Variants in AKAP17A observed in about 807,000 individuals in gnomAD.
AKAP17A encodes the protein A-kinase anchoring protein 17A, also known as A-kinase anchor protein 17A.
A neutral mutation model predicts 52.2 loss-of-function variants in AKAP17A; 15 were observed. The ratio of observed to expected loss-of-function variants is 0.29; its 90% CI spans 0.19 to 0.44. The LOEUF (loss-of-function observed/expected upper bound fraction) is 0.44. Among genes scored for constraint, AKAP17A ranks in the 20% least tolerant of loss-of-function variants. The pLI is 1.00. For missense variants in AKAP17A, 1,060 were observed against 1,007.0 expected (o/e 1.05, Z -0.71); for synonymous variants, 514 against 424.7 (o/e 1.21, Z -2.58).
intron 4 of AKAP17A, 106 bp from the exon 5 acceptor site, chrX:1,600,553 C>T (rs1182084854): frequency 9.4e-6 from 11 of 1,166,758 alleles, no homozygotes; most frequent in Middle Eastern, 3.0e-4. Flanking sequence ...GCCGCTGATC[C>T]TGCATCCCCA....
Position 1,593,780 on chromosome X carries a change from C to T in AKAP17A, c.318C>T (p.Phe106=), listed in dbSNP as rs878945509. Residue 106 remains phenylalanine, a synonymous_variant, in exon 2 of 5, where the codon TTC becomes TTT. Coordinates refer to ENST00000313871, the MANE Select transcript of AKAP17A (RefSeq NM_005088.3). ...LDGKTIKLSG[F]SDILKVRAAE... ...GCAAGACCATCAAGCTCAGCGGCTT[C>T]TCCGACATCCTGAAGGTGCGCGCGG... 6.2e-7 allele frequency: 1 copy of T among 1,613,700 alleles called. No homozygotes were observed. The highest frequency in any genetic ancestry group is 8.5e-7 in the Non-Finnish European group (1 of 1,179,866).
chrX:1,594,262 C>T lies in AKAP17A; in HGVS notation c.762+38C>T, dbSNP rs778554580. ...CACCGAGAGAGCCACGCGCTTCCTC[C>T]CTCTGGCGACTTCCTTCCAGCAGGG... On this transcript the variant is annotated intron_variant, in intron 2 of 4. Coordinates refer to ENST00000313871, the MANE Select transcript of AKAP17A (RefSeq NM_005088.3). 8 of 1,499,096 alleles carry T rather than the reference C, an allele frequency of 5.3e-6. No individual in the cohort carries two copies. The South Asian group carries it at 1.1e-4, about 20-fold the overall frequency. 92.9% of individuals were successfully genotyped at this position (1,499,096 alleles called of 1,614,324 possible). A position where few individuals can be genotyped will look rare whatever the true frequency, so the allele number is the denominator to read the frequency against.
chrX:1,599,525 C>G, intron 4 of AKAP17A, 93 bp downstream of exon 4: 1 of 1,522,210 alleles, frequency 6.6e-7, no homozygotes, highest in Non-Finnish European at 8.9e-7. Flanking sequence ...GCGCCGTTTC[C>G]CCGCCGGCTG....
At position 1,599,297 on chromosome X, in the gene AKAP17A, G is replaced by T; in HGVS notation, c.1017G>T (p.Lys339Asn). 1.2e-6 allele frequency: 2 copies of T among 1,610,620 alleles called. No homozygotes were observed. The highest frequency in any genetic ancestry group is 2.2e-5 in the South Asian group (2 of 90,718). The stretch of plus-strand genomic sequence containing the variant: ...ACCGTGAGCTGCGCCGGAATCAGAA[G>T]AAGCTGGAGAAGCTGCAGGCGGAGG... ...QRDRELRRNQ[K>N]KLEKLQAEEQ... The change falls in exon 4 of 5, where the codon AAG (lysine) becomes AAT (asparagine). Residue 339 changes from lysine to asparagine, a missense_variant. By Grantham distance (94) the Lys-to-Asn change is moderately conservative. This residue lies in a region of AKAP17A where 793 missense variants were observed against 629.9 expected (regional missense o/e 1.26). Transcript: ENST00000313871.
At chrX:1,593,364 G>C in intron 1 of AKAP17A, 80 bp from the exon 2 acceptor site, 1 of 1,415,254 alleles carries the variant, frequency 7.1e-7, no homozygotes, top group Non-Finnish European at 9.7e-7. Flanking sequence ...GGTCCAGAAA[G>C]TGCCTGCTGG....
In AKAP17A at chrX:1,599,383, G is replaced by T; in HGVS notation, c.1103G>T (p.Arg368Met). The change falls in exon 4 of 5, where the codon AGG becomes ATG. Residue 368 changes from arginine (R) to methionine (M), a missense_variant. Arg to Met is a moderately conservative substitution (Grantham distance 91). This residue lies in a region of AKAP17A where 793 missense variants were observed against 629.9 expected (regional missense o/e 1.26). Transcript: ENST00000313871. ...GAGCGCAAGCTGCTGCTGGCCCAGA[G>T]GAACCTGCAGTCCATCCGGCTCATC... The part of the protein sequence containing the change: ...LEERKLLLAQ[R>M]NLQSIRLIAE... The T allele has an allele frequency of 6.3e-7, 1 of 1,580,680 alleles. No individual in the cohort carries two copies. Among genetic ancestry groups the T allele is most frequent in the East Asian group, 2.3e-5 (1 of 43,254 alleles).
At chrX:1,598,271 G>T (rs1355970920) in intron 3 of AKAP17A, among the ~76,000 whole-genome samples, 1 of 152,172 alleles carries the variant, frequency 6.6e-6, no homozygotes, top group East Asian at 1.9e-4. Context: ...AGACCGTGTG[G>T]ATCACTGTCT....
At chrX:1,599,679 G>T in intron 4 of AKAP17A, 2 of 666,468 alleles carry the variant, frequency 3.0e-6, no homozygotes, top group South Asian at 1.8e-5. Flanking sequence ...TCCCCGAGCA[G>T]GCTGGCAGCC....
chrX:1,598,026 G>A (rs1220782353), intron 3 of AKAP17A, among the ~76,000 whole-genome samples: 2 of 152,200 alleles, frequency 1.3e-5, no homozygotes, highest in South Asian at 2.1e-4. Context: ...TCTTTCTGGT[G>A]GGTGGAGATG....
chrX:1,592,011 G>C (rs1464820123), intron 1 of AKAP17A, among the ~76,000 whole-genome samples: 4 of 151,594 alleles, frequency 2.6e-5, no homozygotes, highest in African/African-American at 9.7e-5. Context: ...TAGGGGTAGG[G>C]GCTGGAGCGG....
Position 1,601,414 on chromosome X carries a change from G to A in AKAP17A, c.1908G>A (p.Arg636=). 2 of 1,566,160 alleles carry A rather than the reference G, an allele frequency of 1.3e-6. No homozygotes were observed. The highest frequency in any genetic ancestry group is 8.6e-7 in the Non-Finnish European group (1 of 1,163,670). The change falls in exon 5 of 5, where the codon CGG becomes CGA. Residue 636 remains arginine, a synonymous_variant. Coordinates refer to ENST00000313871, the MANE Select transcript of AKAP17A (RefSeq NM_005088.3). ...KHAYKDDSPR[R]RSTSPDHTRS... is the part of the protein sequence containing the mutation. Reference sequence around the variant, plus strand: ...CCTACAAGGATGACAGCCCCCGCCGGCGCAGCACGAGCCCGGACCACACCC... The same window carrying A: ...CCTACAAGGATGACAGCCCCCGCCGACGCAGCACGAGCCCGGACCACACCC...
intron 1 of AKAP17A, among the ~76,000 whole-genome samples, chrX:1,592,923 G>A (rs754955783): frequency 6.6e-6 from 1 of 152,302 alleles, no homozygotes; most frequent in Admixed American, 6.5e-5. Flanking sequence ...CATGGTTCTG[G>A]ATTGTTGTTG....
chrX:1,599,594 T>C (rs1252591933), intron 4 of AKAP17A, 162 bp downstream of exon 4: 1 of 1,001,080 alleles, frequency 1.0e-6, no homozygotes, highest in Admixed American at 2.0e-5. Flanking sequence ...CCCGGGAGGG[T>C]GTAGCGCTCG....
Position 1,601,434 on chromosome X carries a change from A to G in AKAP17A, c.1928A>G (p.His643Arg). The change falls in exon 5 of 5, where the codon CAC becomes CGC. Residue 643 changes from histidine to arginine, a missense_variant. This residue lies in a region of AKAP17A where 793 missense variants were observed against 629.9 expected (regional missense o/e 1.26). Transcript: ENST00000313871. ...SPRRRSTSPD[H>R]TRSRRSHSKD... ...CGCCGGCGCAGCACGAGCCCGGACC[A>G]CACCCGGTCCCGGAGGTCCCACAGC... The G allele has an allele frequency of 6.4e-7, 1 of 1,572,544 alleles. No individual in the cohort carries two copies. The highest frequency in any genetic ancestry group is 8.6e-7 in the Non-Finnish European group (1 of 1,166,808).
At position 1,600,971 on chromosome X, in the gene AKAP17A, G is replaced by A; in HGVS notation, c.1465G>A (p.Gly489Ser). Reference sequence around the variant, plus strand: ...CGCCACCACGCTGCACCCCCTCGGGGGCCAGCCCCCGGCCGGTGCCCCCAA... The same window carrying A: ...CGCCACCACGCTGCACCCCCTCGGGAGCCAGCCCCCGGCCGGTGCCCCCAA... ...VSATTLHPLG[G>S]QPPAGAPKES... is the part of the protein sequence containing the mutation. The change falls in exon 5 of 5, where the codon GGC becomes AGC. Residue 489 changes from glycine to serine, a missense_variant. Gly to Ser is a moderately conservative substitution (Grantham distance 56, BLOSUM62 0). Coordinates refer to ENST00000313871, the MANE Select transcript of AKAP17A (RefSeq NM_005088.3). The A allele has an allele frequency of 6.3e-7, 1 of 1,592,542 alleles. No homozygotes were observed. The highest frequency in any genetic ancestry group is 1.1e-5 in the South Asian group (1 of 89,206).
chrX:1,598,191 G>A (rs1374138588), intron 3 of AKAP17A, among the ~76,000 whole-genome samples: 8 of 151,458 alleles, frequency 5.3e-5, no homozygotes, highest in South Asian at 2.1e-4. Context: ...CTCGTGGGGC[G>A]GTGACAGCTC....
intron 4 of AKAP17A, chrX:1,600,086 TC>T: frequency 9.0e-7 from 1 of 1,117,046 alleles, no homozygotes; most frequent in Non-Finnish European, 1.2e-6. Flanking sequence ...GAGGGCTGCG[TC>T]CCCCTGGAGT....
intron 3 of AKAP17A, among the ~76,000 whole-genome samples, chrX:1,596,339 A>G (rs1317511146): frequency 1.3e-5 from 2 of 151,956 alleles, no homozygotes; most frequent in Admixed American, 6.6e-5. Context: ...ACCAGAGACA[A>G]CCTCAGGTCA....
chrX:1,598,507 G>T (rs1276272973), intron 3 of AKAP17A, among the ~76,000 whole-genome samples: 1 of 152,156 alleles, frequency 6.6e-6, no homozygotes, highest in Non-Finnish European at 1.5e-5. Flanking sequence ...GCTGCGACTT[G>T]TTCCCATGTC....
Sources: gnomAD v4.1 joint callset for allele counts (sites outside exome capture counted in the v4.1 genomes callset) on GRCh38, gnomAD v4.1.1 for gene constraint, gnomAD v4.1.1 regional missense constraint, MANE v1.5 for transcripts, NCBI Gene and HGNC (gene_info 2026-07-23, HGNC 2026-07-21) for gene names.